Variants in GYS2 observed in about 807,000 individuals in gnomAD.
GYS2 encodes glycogen [starch] synthase, liver.
In GYS2, 80 loss-of-function variants were observed where a neutral mutation model predicts 85.6. The ratio of observed to expected loss-of-function variants is 0.93; its 90% CI spans 0.78 to 1.13. The LOEUF (loss-of-function observed/expected upper bound fraction) is 1.13. Among genes scored for constraint, GYS2 ranks in the 50% most tolerant of loss-of-function variants. The pLI, the probability that GYS2 is intolerant of heterozygous loss-of-function variation, is 0.00. For synonymous variants in GYS2, 328 were observed against 300.7 expected, an observed-to-expected ratio of 1.09 and a Z score of -0.94; for missense variants, 881 against 854.9, an observed-to-expected ratio of 1.03 and a Z score of -0.38.
At chr12:21,564,622 G>C (rs1224660495) in intron 5 of GYS2, among the ~76,000 whole-genome samples, 1 of 152,224 alleles carries the variant, frequency 6.6e-6, no homozygotes, top group South Asian at 2.1e-4. Flanking sequence ...TCAATTTTAA[G>C]TAGCCAAGGT....
rs758426448 is a variant in GYS2 at position 21,537,189 on chromosome 12, A to T, written c.1891-14T>A. On this transcript the variant is annotated splice_polypyrimidine_tract_variant and intron_variant, in intron 15 of 15. Transcript: ENST00000261195. ...AAATCCTTCTGTCTGCCAAAGACAA[A>T]AATAAGACATAAACATCACAACAGT... 20 of 1,577,322 alleles carry T rather than the reference A, an allele frequency of 1.3e-5. No homozygotes were observed. The highest frequency in any genetic ancestry group is 1.6e-5 in the Non-Finnish European group (18 of 1,146,972).
intron 12 of GYS2, among the ~76,000 whole-genome samples, chr12:21,544,844 T>C (rs1024096265): frequency 2.6e-5 from 4 of 152,200 alleles, no homozygotes; most frequent in African/African-American, 4.8e-5. Flanking sequence ...AAATTATGCT[T>C]GGTGAAGCTA....
chr12:21,592,792 AC>A (rs1460335231), intron 1 of GYS2, among the ~76,000 whole-genome samples: 2 of 152,068 alleles, frequency 1.3e-5, no homozygotes, highest in Non-Finnish European at 2.9e-5. Context: ...AATGGATCTA[AC>A]ATTTACACAA....
intron 2 of GYS2, among the ~76,000 whole-genome samples, chr12:21,576,561 G>A (rs1944449399): frequency 6.6e-6 from 1 of 152,092 alleles, no homozygotes; most frequent in Admixed American, 6.6e-5. Context: ...ATCAAAAGAA[G>A]TGATGCAAAA....
chr12:21,568,750 C>T (rs762233144), intron 5 of GYS2, 115 bp downstream of exon 5: 3 of 854,062 alleles, frequency 3.5e-6, no homozygotes, highest in East Asian at 4.8e-5. Context: ...AAAAGAGCTG[C>T]GTGGTAACTG....
At chr12:21,599,012 AAAG>A (rs1469159908) in intron 1 of GYS2, among the ~76,000 whole-genome samples, 2 of 152,100 alleles carry the variant, frequency 1.3e-5, no homozygotes, top group African/African-American at 2.4e-5. Flanking sequence ...TCACTATTTC[AAAG>A]AAGTATAGAA....
intron 5 of GYS2, among the ~76,000 whole-genome samples, chr12:21,563,848 T>G (rs1304632536): frequency 6.6e-6 from 1 of 152,198 alleles, no homozygotes; most frequent in Admixed American, 6.5e-5. Context: ...ACATACTGTT[T>G]CCTTAACCCT....
chr12:21,533,230 A>C (rs1943881733), downstream of GYS2, among the ~76,000 whole-genome samples: 2 of 151,846 alleles, frequency 1.3e-5, no homozygotes, highest in Non-Finnish European at 2.9e-5. Context: ...CTGGGCTCTT[A>C]ATTATTCTTT....
intron 12 of GYS2, among the ~76,000 whole-genome samples, chr12:21,543,757 G>A (rs754891970): frequency 9.9e-5 from 15 of 152,212 alleles, no homozygotes; most frequent in Admixed American, 3.3e-4. Context: ...CCCACAACCC[G>A]ACAGGCCCCG....
At chr12:21,545,269 C>G (rs1944024857) in intron 12 of GYS2, among the ~76,000 whole-genome samples, 1 of 152,108 alleles carries the variant, frequency 6.6e-6, no homozygotes, top group African/African-American at 2.4e-5. Flanking sequence ...ATGATGAAAC[C>G]TGTCTCTACT....
intron 2 of GYS2, among the ~76,000 whole-genome samples, chr12:21,578,342 A>G (rs944294830): frequency 4.6e-5 from 7 of 152,152 alleles, no homozygotes; most frequent in Non-Finnish European, 1.0e-4. Flanking sequence ...TAATTCAATC[A>G]CTTTTACAAT....
At chr12:21,538,587 ATCT>A (rs1183448561) in intron 15 of GYS2, among the ~76,000 whole-genome samples, 4 of 152,152 alleles carry the variant, frequency 2.6e-5, no homozygotes, top group African/African-American at 9.7e-5. Context: ...TATGGGTCTT[ATCT>A]TCTTGCACCT....
intron 1 of GYS2, among the ~76,000 whole-genome samples, chr12:21,598,684 T>G (rs1944722064): frequency 2.6e-5 from 4 of 152,140 alleles, no homozygotes; most frequent in African/African-American, 9.7e-5. Flanking sequence ...GAGATTTACA[T>G]ACACATATAT....
downstream of GYS2, among the ~76,000 whole-genome samples, chr12:21,534,323 C>T (rs1188373905): frequency 1.3e-5 from 2 of 152,082 alleles, no homozygotes; most frequent in Non-Finnish European, 2.9e-5. Flanking sequence ...ACCAGCCTGA[C>T]CAATATGCCA....
intron 4 of GYS2, among the ~76,000 whole-genome samples, chr12:21,573,646 C>T (rs1322411479): frequency 2.0e-5 from 3 of 152,158 alleles, no homozygotes; most frequent in African/African-American, 7.2e-5. Context: ...CTGTGCATTG[C>T]AAAGTTACAG....
At chr12:21,545,527 ATTG>A (rs781251689) in intron 12 of GYS2, among the ~76,000 whole-genome samples, 4 of 152,230 alleles carry the variant, frequency 2.6e-5, no homozygotes, top group African/African-American at 9.6e-5. Context: ...TGGAAAAGTT[ATTG>A]TTGTATTCTT....
At chr12:21,567,997 G>A (rs976250093) in intron 5 of GYS2, among the ~76,000 whole-genome samples, 16 of 151,836 alleles carry the variant, frequency 1.1e-4, no homozygotes, top group African/African-American at 3.6e-4. Context: ...GCTTGAACCC[G>A]GGAGGCAGAA....
At chr12:21,572,678 T>C (rs999846753) in intron 4 of GYS2, among the ~76,000 whole-genome samples, 1 of 152,168 alleles carries the variant, frequency 6.6e-6, no homozygotes, top group African/African-American at 2.4e-5. Flanking sequence ...TGTGATTATA[T>C]CTAAAGACAG....
intron 2 of GYS2, among the ~76,000 whole-genome samples, chr12:21,579,136 C>T (rs1944478919): frequency 6.6e-6 from 1 of 152,106 alleles, no homozygotes; most frequent in South Asian, 2.1e-4. Flanking sequence ...CTGACTTAAT[C>T]CCTTCTTCAT....
Sources: gnomAD v4.1 joint callset for allele counts (sites outside exome capture counted in the v4.1 genomes callset) on GRCh38, gnomAD v4.1.1 for gene constraint, MANE v1.5 for transcripts, NCBI Gene and HGNC (gene_info 2026-07-23, HGNC 2026-07-21) for gene names.